Variants in CSF2RA observed in about 807,000 individuals in gnomAD.
CSF2RA encodes the protein colony stimulating factor 2 receptor subunit alpha.
In CSF2RA, 42 loss-of-function variants were observed where a neutral mutation model predicts 51.6. The observed-to-expected ratio is 0.81, with a 90% CI of 0.64 to 1.05. The LOEUF (loss-of-function observed/expected upper bound fraction) is 1.05. Ranked by LOEUF, CSF2RA falls within the 50% of genes least tolerant of loss-of-function variation. The probability of loss-of-function intolerance (pLI) is 0.00; values close to 1 mark genes in which losing one functional copy is unlikely to be tolerated. For synonymous variants in CSF2RA, 222 were observed against 193.0 expected (o/e 1.15, Z -1.24); for missense variants, 530 against 501.1 (o/e 1.06, Z -0.55).
the CSF2RA span, among the ~76,000 whole-genome samples, chrX:1,323,720 T>TA: frequency 1.4e-4 from 21 of 150,514 alleles, no homozygotes; most frequent in South Asian, 2.1e-4. Context: ...CCCCATCTCT[T>TA]AAAAAAAATG....
intron 7 of CSF2RA, among the ~76,000 whole-genome samples, chrX:1,292,024 T>G (rs2091452251): frequency 6.7e-6 from 1 of 149,648 alleles, no homozygotes; most frequent in African/African-American, 2.5e-5. Flanking sequence ...CACATTTACC[T>G]GGACACAGTG....
chrX:1,294,217 C>T (rs2091696464), intron 7 of CSF2RA, 111 bp from the exon 8 acceptor site: 12 of 1,374,510 alleles, frequency 8.7e-6, no homozygotes, highest in African/African-American at 1.4e-5. Flanking sequence ...ACCTACTCCA[C>T]CTCCACCTGG....
At chrX:1,305,379 G>A in intron 11 of CSF2RA, 67 bp from the exon 12 acceptor site, 2 of 1,557,552 alleles carry the variant, frequency 1.3e-6, no homozygotes, top group East Asian at 2.2e-5. Flanking sequence ...CTCGGCACAG[G>A]GCGTTGATGG....
chrX:1,318,777 C>T, the CSF2RA span, among the ~76,000 whole-genome samples: 2 of 150,808 alleles, frequency 1.3e-5, no homozygotes, highest in South Asian at 4.2e-4. Context: ...ATGAGCCTGG[C>T]ATGGTGGCGG....
intron 7 of CSF2RA, among the ~76,000 whole-genome samples, chrX:1,292,606 G>T (rs1236404956): frequency 6.6e-6 from 1 of 152,084 alleles, no homozygotes; most frequent in African/African-American, 2.4e-5. Flanking sequence ...GGATGCACAC[G>T]CAGGCCAGAT....
At chrX:1,319,727 T>G in the CSF2RA span, among the ~76,000 whole-genome samples, 537 of 146,934 alleles carry the variant, frequency 3.7e-3, 24 homozygotes, top group Non-Finnish European at 5.8e-3. Flanking sequence ...TTTTTTTTTT[T>G]TTTTTTAGAC....
intron 4 of CSF2RA, chrX:1,287,147 CT>C (rs760358278): frequency 0.04 from 4,432 of 110,826 alleles, 25 homozygotes; most frequent in African/African-American, 0.058. Flanking sequence ...AGATGACATA[CT>C]TTTTTTTTTT....
chrX:1,321,951 C>T, the CSF2RA span, among the ~76,000 whole-genome samples: 4 of 151,934 alleles, frequency 2.6e-5, no homozygotes, highest in Admixed American at 2.6e-4. Context: ...GCCTGACCAA[C>T]GTGGTGAAAC....
chrX:1,287,765 C>G lies in CSF2RA; in HGVS notation c.220-754C>G, dbSNP rs1164399800. Among the ~76,000 whole-genome samples the G allele has an allele frequency of 4.7e-5, 6 of 128,410 alleles. 1 individual carries two copies. The highest frequency in any genetic ancestry group is 8.3e-5 in the Non-Finnish European group (5 of 60,548). The allele number at this position is 128,410 out of a possible 152,430, so 84.2% of individuals were successfully genotyped here. A position where few individuals can be genotyped will look rare whatever the true frequency, so the allele number is the denominator to read the frequency against. On this transcript the variant is annotated intron_variant, in intron 4 of 12. Transcript: ENST00000381529. ...GACCCTTTTTTTGGGGGGATGGAGT[C>G]TCTGTCTGTCACCCAGGCTGGAGTG...
Position 1,309,486 on chromosome X carries a change from G to A in CSF2RA, c.*7G>A, listed in dbSNP as rs138606330. 603 of 1,614,004 alleles carry A rather than the reference G, an allele frequency of 3.7e-4. 1 individual carries two copies. In the African/African-American group the frequency reaches 7.3e-3, roughly 19 times the overall value. On this transcript the variant is annotated 3_prime_UTR_variant, in exon 13 of 13. Coordinates refer to ENST00000381529, the MANE Select transcript of CSF2RA (RefSeq NM_172245.4). ...CGTGAAGGAAATTACCTGAGACCCA[G>A]AGGGTGTAGGAATGGCATGGACATC... is the stretch of plus-strand genomic sequence containing the variant.
chrX:1,273,963 G>T (rs2088816013), intron 1 of CSF2RA, among the ~76,000 whole-genome samples: 1 of 151,900 alleles, frequency 6.6e-6, no homozygotes. Context: ...AAAATATCAT[G>T]ATTTCCCTCA....
chrX:1,287,468 G>A (rs775056645), intron 4 of CSF2RA, among the ~76,000 whole-genome samples: 1 of 144,172 alleles, frequency 6.9e-6, no homozygotes, highest in African/African-American at 2.6e-5. Context: ...TTTTGGGATG[G>A]AGTCTCGCTC....
Position 1,298,746 on chromosome X carries a change from CCA to C in CSF2RA, c.811-1742_811-1741del, listed in dbSNP as rs2092167674. Reference sequence around the variant, plus strand: ...CCTACTCACGACCCCTAGTGTAACCCCACATGACCCCCAGTGTAACCCTATAG... The same window carrying C: ...CCTACTCACGACCCCTAGTGTAACCCCATGACCCCCAGTGTAACCCTATAG... On this transcript the variant is annotated intron_variant, in intron 9 of 12. Transcript: ENST00000381529. Among the ~76,000 whole-genome samples the C allele has an allele frequency of 1.0e-4, 6 of 57,576 alleles. 1 individual carries two copies. The South Asian group carries it at 1.8e-3, about 18-fold the overall frequency. The allele number at this position is 57,576 out of a possible 152,430, so 37.8% of individuals were successfully genotyped here. A position where few individuals can be genotyped will look rare whatever the true frequency, so the allele number is the denominator to read the frequency against.
chrX:1,284,172 A>G (rs1177391674), intron 3 of CSF2RA, among the ~76,000 whole-genome samples: 1 of 146,612 alleles, frequency 6.8e-6, no homozygotes, highest in East Asian at 2.0e-4. Flanking sequence ...TTCTCATTCA[A>G]GCGGTTTTCT....
intron 6 of CSF2RA, among the ~76,000 whole-genome samples, chrX:1,290,002 GTTTTGTGTTTTGTTTTGTGT>G (rs2091227134): frequency 1.4e-5 from 1 of 70,004 alleles, no homozygotes; most frequent in South Asian, 4.9e-4. Context: ...TTTGTTTTGT[GTTTTGTGTTTTGTTTTGTGT>G]TTTTGTGTTT....
chrX:1,318,559 G>A, the CSF2RA span, among the ~76,000 whole-genome samples: 7 of 151,866 alleles, frequency 4.6e-5, no homozygotes, highest in African/African-American at 1.7e-4. Flanking sequence ...CTGAGCCGCC[G>A]ATAGCCCCTC....
the CSF2RA span, among the ~76,000 whole-genome samples, chrX:1,323,120 T>C: frequency 0.041 from 4,492 of 110,150 alleles, 216 homozygotes; most frequent in African/African-American, 0.12. Flanking sequence ...CAGAGCGAGA[T>C]TCCGTCTCAA....
intron 12 of CSF2RA, among the ~76,000 whole-genome samples, chrX:1,308,856 C>G (rs1260254625): frequency 6.6e-6 from 1 of 152,180 alleles, no homozygotes; most frequent in East Asian, 1.9e-4. Flanking sequence ...TTCATGCTCA[C>G]AAGCTCTTCC....
In CSF2RA at chrX:1,290,524, T is replaced by G; in HGVS notation, c.646+15T>G. The G allele has an allele frequency of 1.2e-6, 2 of 1,611,946 alleles. No homozygotes were observed. The highest frequency in any genetic ancestry group is 1.7e-6 in the Non-Finnish European group (2 of 1,178,066). On this transcript the variant is annotated intron_variant, in intron 7 of 12. Transcript: ENST00000381529. Reference sequence around the variant, plus strand: ...AAAGAAAATAGGTGAGAATAACACATATGATTTTCCTATTGTTTATAGGTG... The same window carrying G: ...AAAGAAAATAGGTGAGAATAACACAGATGATTTTCCTATTGTTTATAGGTG...
Sources: allele counts gnomAD v4.1 joint callset (sites outside exome capture counted in the v4.1 genomes callset), GRCh38; gene constraint gnomAD v4.1.1; transcripts MANE v1.5; gene names NCBI Gene and HGNC (gene_info 2026-07-23, HGNC 2026-07-21).